The following CACNG3 variants were observed in gnomAD, a reference collection of about 807,000 sequenced individuals.
CACNG3 encodes voltage-dependent calcium channel gamma-3 subunit.
A neutral mutation model predicts 28.5 loss-of-function variants in CACNG3; 3 were observed. The observed-to-expected ratio is 0.11, with a 90% confidence interval of 0.05 to 0.27. CACNG3 has a LOEUF of 0.27. Among genes scored for constraint, CACNG3 ranks in the 10% least tolerant of loss-of-function variants. The pLI, the probability that CACNG3 is intolerant of heterozygous loss-of-function variation, is 1.00. For missense variants in CACNG3, 236 were observed against 414.4 expected, an observed-to-expected ratio of 0.57 and a Z score of 3.74; for synonymous variants, 174 against 162.2, an observed-to-expected ratio of 1.07 and a Z score of -0.55.
At chr16:24,303,699 C>T (rs1472400662) in intron 1 of CACNG3, among the ~76,000 whole-genome samples, 6 of 152,152 alleles carry the variant, frequency 3.9e-5, no homozygotes, top group Non-Finnish European at 5.9e-5. Context: ...AGGTGGATCA[C>T]CTGAGCTCAG....
At chr16:24,322,805 C>T (rs1370948839) in intron 1 of CACNG3, among the ~76,000 whole-genome samples, 1 of 152,128 alleles carries the variant, frequency 6.6e-6, no homozygotes. Flanking sequence ...TCAATATCTA[C>T]CTATTTTGCT....
At chr16:24,339,111 C>CT (rs79915149) in intron 1 of CACNG3, among the ~76,000 whole-genome samples, 22,273 of 152,082 alleles carry the variant, frequency 0.15, 1,878 homozygotes, top group Non-Finnish European at 0.18. Flanking sequence ...CTTTTAATCC[C>CT]TCCATACTGT....
At chr16:24,274,246 A>G (rs1898726360) in intron 1 of CACNG3, among the ~76,000 whole-genome samples, 1 of 152,054 alleles carries the variant, frequency 6.6e-6, no homozygotes, top group Admixed American at 6.5e-5. Flanking sequence ...CTTGGGCTCA[A>G]ATCTGAGATC....
intron 1 of CACNG3, among the ~76,000 whole-genome samples, chr16:24,273,895 C>A (rs1842742248): frequency 6.6e-6 from 1 of 152,006 alleles, no homozygotes; most frequent in Non-Finnish European, 1.5e-5. Context: ...AAACACAAGC[C>A]CTGTATAGGA....
chr16:24,318,785 T>C (rs1899420607), intron 1 of CACNG3, among the ~76,000 whole-genome samples: 1 of 152,114 alleles, frequency 6.6e-6, no homozygotes, highest in Non-Finnish European at 1.5e-5. Context: ...GAAGCATGGA[T>C]TATCTGTGCT....
intron 1 of CACNG3, among the ~76,000 whole-genome samples, chr16:24,261,927 G>A (rs1165052420): frequency 1.3e-5 from 2 of 152,206 alleles, no homozygotes; most frequent in Non-Finnish European, 2.9e-5. Flanking sequence ...CTGCAAAGAT[G>A]TGGTTGAGGA....
At chr16:24,294,841 T>C (rs1396650750) in intron 1 of CACNG3, among the ~76,000 whole-genome samples, 3 of 152,248 alleles carry the variant, frequency 2.0e-5, no homozygotes, top group Admixed American at 6.5e-5. Flanking sequence ...TTGGCCTGCG[T>C]ATTTCATAGA....
At chr16:24,357,833 A>T (rs1050137800) in intron 3 of CACNG3, among the ~76,000 whole-genome samples, 1 of 152,214 alleles carries the variant, frequency 6.6e-6, no homozygotes, top group Non-Finnish European at 1.5e-5. Context: ...ACAAGAGAAG[A>T]TCATTATGTT....
In CACNG3 at chr16:24,362,077, T is replaced by G. The variant is rs1044562012; in HGVS notation, c.*214T>G. The G allele has an allele frequency of 2.1e-6, 1 of 486,778 alleles. No individual in the cohort carries two copies. Among genetic ancestry groups the G allele is most frequent in the Non-Finnish European group, 3.6e-6 (1 of 278,678 alleles). The allele number at this position is 486,778 out of a possible 1,614,324, so 30.2% of individuals were successfully genotyped here. On this transcript the variant is annotated 3_prime_UTR_variant, in exon 4 of 4. Coordinates refer to ENST00000005284, the MANE Select transcript of CACNG3 (RefSeq NM_006539.4). ...TTTTCAAGCCAATCCCTTAATGTCA[T>G]TCCTCTCTCTGTGTATCTGTGCCAG...
intron 1 of CACNG3, among the ~76,000 whole-genome samples, chr16:24,336,557 G>T (rs896220186): frequency 1.2e-5 from 1 of 80,024 alleles, no homozygotes; most frequent in Admixed American, 1.3e-4. Flanking sequence ...TTACAGGCGT[G>T]AGCCACTGTG....
intron 3 of CACNG3, among the ~76,000 whole-genome samples, chr16:24,356,308 C>A (rs1189932374): frequency 6.6e-6 from 1 of 152,072 alleles, no homozygotes; most frequent in Non-Finnish European, 1.5e-5. Flanking sequence ...GGCTTGCAAC[C>A]CCCCTGGATT....
At chr16:24,276,809 C>T (rs1458394891) in intron 1 of CACNG3, among the ~76,000 whole-genome samples, 1 of 152,224 alleles carries the variant, frequency 6.6e-6, no homozygotes, top group African/African-American at 2.4e-5. Flanking sequence ...TTAGCCACCA[C>T]TCCACAAAAA....
At chr16:24,323,448 T>C (rs1395522581) in intron 1 of CACNG3, among the ~76,000 whole-genome samples, 2 of 152,128 alleles carry the variant, frequency 1.3e-5, no homozygotes, top group African/African-American at 4.8e-5. Flanking sequence ...TTAATACTCA[T>C]AGCAGTCTTT....
intron 1 of CACNG3, among the ~76,000 whole-genome samples, chr16:24,294,559 A>C (rs1298650711): frequency 2.6e-5 from 4 of 152,106 alleles, no homozygotes. Context: ...ATTGCCTTTA[A>C]CTCCTGACAG....
intron 1 of CACNG3, among the ~76,000 whole-genome samples, chr16:24,278,635 A>G (rs1898782213): frequency 2.0e-5 from 3 of 152,070 alleles, no homozygotes; most frequent in Non-Finnish European, 4.4e-5. Context: ...TAAATAAATA[A>G]ATAAATAAAA....
intron 1 of CACNG3, among the ~76,000 whole-genome samples, chr16:24,324,550 T>C (rs1261489945): frequency 6.6e-6 from 1 of 152,096 alleles, no homozygotes; most frequent in Non-Finnish European, 1.5e-5. Context: ...CAGCTGCCAG[T>C]TTAGCTCAAA....
intron 1 of CACNG3, among the ~76,000 whole-genome samples, chr16:24,303,738 C>T (rs566143920): frequency 1.1e-3 from 169 of 152,008 alleles, no homozygotes; most frequent in African/African-American, 3.6e-3. Context: ...GGCAATGTGG[C>T]CAAACCTCAT....
At chr16:24,340,649 C>A (rs1596648906) in intron 1 of CACNG3, among the ~76,000 whole-genome samples, 1 of 152,182 alleles carries the variant, frequency 6.6e-6, no homozygotes, top group African/African-American at 2.4e-5. Flanking sequence ...CAGAGACGAA[C>A]TATTAGTACA....
intron 1 of CACNG3, among the ~76,000 whole-genome samples, chr16:24,305,451 T>A (rs759126307): frequency 6.6e-6 from 1 of 151,654 alleles, no homozygotes; most frequent in Non-Finnish European, 1.5e-5. Flanking sequence ...CTCCAACTCC[T>A]GGGCTCAAGG....
Sources: gnomAD v4.1 joint callset for allele counts (sites outside exome capture counted in the v4.1 genomes callset) on GRCh38, gnomAD v4.1.1 for gene constraint, MANE v1.5 for transcripts, NCBI Gene and HGNC (gene_info 2026-07-23, HGNC 2026-07-21) for gene names.